DTNA: variants seen among roughly 807,000 people sequenced by gnomAD.
DTNA encodes the protein dystrophin-related protein 3.
Under a neutral mutation model 100.7 loss-of-function variants are expected in DTNA, and 43 were observed. The observed-to-expected ratio is 0.43, with a 90% CI of 0.33 to 0.55. The LOEUF is 0.55. DTNA is among the 20% of genes least tolerant of loss of function. The pLI is 0.04. For synonymous variants in DTNA, 349 were observed against 347.9 expected, an observed-to-expected ratio of 1.00 and a Z score of -0.04; for missense variants, 798 against 953.9, an observed-to-expected ratio of 0.84 and a Z score of 2.15.
chr18:34,768,918 G>A (rs1001149204), intron 3 of DTNA, among the ~76,000 whole-genome samples: 3 of 152,196 alleles, frequency 2.0e-5, no homozygotes, highest in African/African-American at 7.2e-5. Flanking sequence ...TGGTATGTGA[G>A]AGCTTCAGGG....
chr18:34,863,658 C>T (rs1472393711), intron 16 of DTNA, among the ~76,000 whole-genome samples: 1 of 152,184 alleles, frequency 6.6e-6, no homozygotes. Flanking sequence ...CATAGCACAT[C>T]ACAGGGCCCA....
At chr18:34,886,905 G>A (rs1185563721) in intron 22 of DTNA, among the ~76,000 whole-genome samples, 1 of 152,200 alleles carries the variant, frequency 6.6e-6, no homozygotes, top group Non-Finnish European at 1.5e-5. Flanking sequence ...AGAAATGCAG[G>A]TGCATTTTAG....
At chr18:34,541,993 G>A (rs1483723738) in intron 1 of DTNA, among the ~76,000 whole-genome samples, 1 of 152,044 alleles carries the variant, frequency 6.6e-6, no homozygotes, top group Non-Finnish European at 1.5e-5. Flanking sequence ...GGGGAACAGG[G>A]AGACTCCAGG....
intron 1 of DTNA, among the ~76,000 whole-genome samples, chr18:34,497,681 G>GT (rs2039402509): frequency 6.8e-6 from 1 of 148,134 alleles, no homozygotes; most frequent in Non-Finnish European, 1.5e-5. Flanking sequence ...TATTTCCATT[G>GT]TTTAAAAAAA....
chr18:34,535,064 C>T (rs1320077133), intron 1 of DTNA, among the ~76,000 whole-genome samples: 1 of 152,118 alleles, frequency 6.6e-6, no homozygotes. Context: ...TGAGGAATCG[C>T]CACAGTGTGT....
intron 1 of DTNA, among the ~76,000 whole-genome samples, chr18:34,624,791 T>C (rs762388502): frequency 6.6e-6 from 1 of 152,198 alleles, no homozygotes; most frequent in Non-Finnish European, 1.5e-5. Context: ...GCTTTAATAG[T>C]TGAATAAACA....
chr18:34,777,919 C>G (rs1361010384), intron 3 of DTNA, among the ~76,000 whole-genome samples: 1 of 152,138 alleles, frequency 6.6e-6, no homozygotes, highest in Non-Finnish European at 1.5e-5. Flanking sequence ...CTTAAGTGAT[C>G]TGAACTTTGA....
rs1396259577 is a variant in DTNA, at chr18:34,838,829, C to A, written c.1338C>A (p.Asn446Lys). The A allele has an allele frequency of 1.2e-6, 2 of 1,613,570 alleles. No homozygotes were observed. Among genetic ancestry groups the A allele is most frequent in the Admixed American group, 1.7e-5 (1 of 59,968 alleles). Reference sequence around the variant, plus strand: ...TGTATGTCAACATGCTCCGGAACAACCCCTCATGGTTAGTGCAGGTTTGGC... The same window carrying A: ...TGTATGTCAACATGCTCCGGAACAAACCCTCATGGTTAGTGCAGGTTTGGC... ...IGLYVNMLRN[N>K]PSCMLESSNR... Residue 446 changes from asparagine to lysine, a missense_variant, in exon 13 of 23, where the codon AAC becomes AAA. By Grantham distance (94) the Asn-to-Lys change is moderately conservative. This residue lies in a region of DTNA where 159 missense variants were observed against 201.2 expected (regional missense o/e 0.79). Coordinates refer to ENST00000444659, the MANE Select transcript of DTNA (RefSeq NM_001386795.1).
chr18:34,642,830 T>G (rs1229802994), intron 1 of DTNA, among the ~76,000 whole-genome samples: 9 of 152,108 alleles, frequency 5.9e-5, no homozygotes, highest in Admixed American at 5.9e-4. Context: ...GTGCTGGGAT[T>G]ACAGGCGTGA....
chr18:34,599,832 C>T (rs564487257), intron 1 of DTNA, among the ~76,000 whole-genome samples: 2 of 152,266 alleles, frequency 1.3e-5, no homozygotes, highest in South Asian at 4.1e-4. Context: ...CACCCGCCAC[C>T]ACGCCTAGCT....
At chr18:34,528,408 C>G (rs1163845003) in intron 1 of DTNA, among the ~76,000 whole-genome samples, 1 of 151,938 alleles carries the variant, frequency 6.6e-6, no homozygotes, top group Non-Finnish European at 1.5e-5. Flanking sequence ...GGCTACAAAA[C>G]AAAACATGGG....
rs553628681 is a variant in DTNA at position 34,641,672 on chromosome 18, G to A, written c.-1-114304G>A. On this transcript the variant is annotated intron_variant, in intron 1 of 19. Coordinates refer to the DTNA transcript ENST00000283365. ...TATCCCTCCTATTGAATATCATTGC[G>A]TCTCAAATTGAGGCCCAGATAACCA... is the stretch of plus-strand genomic sequence containing the variant. 9.2e-5 allele frequency among the ~76,000 whole-genome samples: 14 copies of A among 152,238 alleles called. No individual in the cohort carries two copies. In the East Asian group the frequency reaches 9.6e-4, roughly 10 times the overall value.
At chr18:34,598,857 C>T (rs898534267) in intron 1 of DTNA, among the ~76,000 whole-genome samples, 8 of 151,914 alleles carry the variant, frequency 5.3e-5, no homozygotes, top group African/African-American at 1.7e-4. Context: ...CAGAGCGAGA[C>T]TCCATCTCAA....
chr18:34,729,882 A>T (rs17643207), intron 1 of DTNA, among the ~76,000 whole-genome samples: 7,734 of 151,862 alleles, frequency 0.051, 305 homozygotes, highest in Non-Finnish European at 0.08. Context: ...CCTGCTGAGG[A>T]TTTACTCTAC....
At chr18:34,835,222 C>G (rs1479147147) in intron 11 of DTNA, among the ~76,000 whole-genome samples, 1 of 152,174 alleles carries the variant, frequency 6.6e-6, no homozygotes, top group East Asian at 1.9e-4. Context: ...GTTAGAAGTG[C>G]TTCTGGCACT....
At chr18:34,579,377 T>C (rs1208014863) in intron 1 of DTNA, among the ~76,000 whole-genome samples, 1 of 152,216 alleles carries the variant, frequency 6.6e-6, no homozygotes, top group African/African-American at 2.4e-5. Flanking sequence ...TCCAGATATT[T>C]AGTCATTTAT....
At chr18:34,551,728 G>C (rs1349570456) in intron 1 of DTNA, among the ~76,000 whole-genome samples, 1 of 152,078 alleles carries the variant, frequency 6.6e-6, no homozygotes, top group South Asian at 2.1e-4. Context: ...ATATCTTTTG[G>C]TCTAGATCTG....
intron 1 of DTNA, among the ~76,000 whole-genome samples, chr18:34,496,273 G>A (rs8092794): frequency 0.65 from 98,746 of 150,930 alleles, 32,519 homozygotes; most frequent in East Asian, 0.77. Context: ...CTTTATTTTG[G>A]GATGCTACAG....
intron 1 of DTNA, among the ~76,000 whole-genome samples, chr18:34,731,202 G>C (rs1232253361): frequency 6.6e-6 from 1 of 152,198 alleles, no homozygotes; most frequent in African/African-American, 2.4e-5. Flanking sequence ...ATTTGTGGCC[G>C]GGCGCGGTGG....
Sources: gnomAD v4.1 joint callset for allele counts (sites outside exome capture counted in the v4.1 genomes callset) on GRCh38, gnomAD v4.1.1 for gene constraint, gnomAD v4.1.1 regional missense constraint, MANE v1.5 for transcripts, NCBI Gene and HGNC (gene_info 2026-07-23, HGNC 2026-07-21) for gene names.